SPATA13: variants seen among roughly 807,000 people sequenced by gnomAD.
SPATA13 encodes spermatogenesis associated 13, also known as spermatogenesis-associated protein 13.
A neutral mutation model predicts 104.0 loss-of-function variants in SPATA13; 50 were observed. That is an observed-to-expected ratio of 0.48 (90% CI 0.38 to 0.61). The LOEUF is 0.61. SPATA13 is among the 20% of genes least tolerant of loss of function. SPATA13 has a pLI of 0.00. For synonymous variants in SPATA13, 606 were observed against 667.5 expected (o/e 0.91, Z 1.42); for missense variants, 1,524 against 1,690.6 (o/e 0.90, Z 1.73).
chr13:24,137,577 T>C (rs1881615551), intron 3 of SPATA13, among the ~76,000 whole-genome samples: 1 of 152,050 alleles, frequency 6.6e-6, no homozygotes, highest in African/African-American at 2.4e-5. Flanking sequence ...CCGGCCAACA[T>C]GGTGAAACCC....
rs12863941 is a variant in SPATA13 at position 24,161,597 on chromosome 13, C to T, written c.-112+665C>T. On this transcript the variant is annotated intron_variant, in intron 1 of 12. Coordinates refer to ENST00000382108, the MANE Select transcript of SPATA13 (RefSeq NM_001166271.3). This position sits in a 1 kb window ranked among gnomAD's most constrained non-coding sequence, Gnocchi z 4.5. ...AGGCAGGTAGAAGCCCGCGCTGCTG[C>T]CAGCGTCAGGGGGAGCTCGGGTGAC... Among the ~76,000 whole-genome samples the T allele has an allele frequency of 6.0e-3, 914 of 152,274 alleles. 6 individuals are homozygous for T. Among genetic ancestry groups the T allele is most frequent in the Non-Finnish European group, 0.011 (734 of 68,018 alleles).
rs769373977 is a variant in SPATA13, at chr13:24,223,383, G to A, written c.454G>A (p.Ala152Thr). 9 of 1,551,170 alleles carry A rather than the reference G, an allele frequency of 5.8e-6. No individual in the cohort carries two copies. Among genetic ancestry groups the A allele is most frequent in the South Asian group, 1.2e-5 (1 of 84,068 alleles). ...HGLGKSIPNG[A>T]VPGAQASRGS... ...CCTGGGAAAGTCCATCCCAAATGGC[G>A]CTGTCCCAGGAGCCCAGGCAAGCAG... is the stretch of plus-strand genomic sequence containing the variant. The change falls in exon 2 of 13, where the codon GCT becomes ACT. Residue 152 changes from alanine to threonine, a missense_variant. Ala to Thr is a moderately conservative substitution (Grantham distance 58, BLOSUM62 0). Transcript: ENST00000382108.
At chr13:24,208,399 G>T (rs374981631) in intron 1 of SPATA13, among the ~76,000 whole-genome samples, 3 of 152,354 alleles carry the variant, frequency 2.0e-5, no homozygotes, top group South Asian at 4.1e-4. Flanking sequence ...GATTGTGCCT[G>T]AGGAATATTG....
At chr13:24,080,754 A>G (rs1468664270) in intron 3 of SPATA13, among the ~76,000 whole-genome samples, 2 of 152,372 alleles carry the variant, frequency 1.3e-5, no homozygotes, top group South Asian at 2.1e-4. Flanking sequence ...TCTGTGCCCT[A>G]TGGCATGTGG....
At chr13:24,239,693 TAAA>T (rs55881452) in intron 2 of SPATA13, among the ~76,000 whole-genome samples, 7 of 46,940 alleles carry the variant, frequency 1.5e-4, no homozygotes, top group East Asian at 1.6e-3. Flanking sequence ...AGACCATATC[TAAA>T]AAAAAAAAAA....
At chr13:24,269,914 G>T (rs1193166781) in intron 4 of SPATA13, among the ~76,000 whole-genome samples, 2 of 151,182 alleles carry the variant, frequency 1.3e-5, no homozygotes, top group East Asian at 1.9e-4. Context: ...TAGAGATAGG[G>T]TCTTGCTATG....
chr13:24,128,630 C>T (rs147605031), intron 3 of SPATA13, among the ~76,000 whole-genome samples: 4 of 151,980 alleles, frequency 2.6e-5, no homozygotes, highest in Admixed American at 1.3e-4. Flanking sequence ...TAACACTCCT[C>T]GCTGATGTGG....
intron 2 of SPATA13, among the ~76,000 whole-genome samples, chr13:24,003,925 C>T (rs1177941395): frequency 3.3e-5 from 5 of 151,840 alleles, no homozygotes; most frequent in African/African-American, 1.2e-4. Flanking sequence ...AGTCCCTTTT[C>T]AGCCACACTC....
At chr13:24,067,744 G>A (rs771349995) in intron 3 of SPATA13, among the ~76,000 whole-genome samples, 10 of 152,046 alleles carry the variant, frequency 6.6e-5, no homozygotes, top group African/African-American at 9.7e-5. Context: ...TCACTCTGTC[G>A]CCTAGGCTGG....
intron 3 of SPATA13, among the ~76,000 whole-genome samples, chr13:24,132,441 T>C (rs973968319): frequency 3.3e-5 from 5 of 152,244 alleles, no homozygotes; most frequent in African/African-American, 1.2e-4. Flanking sequence ...GTCCTGGCTC[T>C]GTCCTGGCTG....
chr13:24,251,848 T>A lies in SPATA13; in HGVS notation c.2150T>A (p.Met717Lys). The change falls in exon 4 of 13, where the codon ATG (methionine) becomes AAG (lysine). Residue 717 changes from methionine (M) to lysine (K), a missense_variant. Around this residue, in one of 2 missense-constraint regions of SPATA13, gnomAD observed 1,089 missense variants for 1,135.9 expected, o/e 0.96. Transcript: ENST00000382108. Reference protein sequence around the residue: ...GLDRVGRRRQMRASNVSSDGG... With the variant: ...GLDRVGRRRQKRASNVSSDGG... ...GACCGTGTGGGACGCCGGCGGCAGATGAGAGCATCCAACGGTGAGTCTCAG... is the reference window on the plus strand; with the variant it reads ...GACCGTGTGGGACGCCGGCGGCAGAAGAGAGCATCCAACGGTGAGTCTCAG... 1.2e-6 allele frequency: 2 copies of A among 1,613,592 alleles called. No individual in the cohort carries two copies. Among genetic ancestry groups the A allele is most frequent in the Non-Finnish European group, 1.7e-6 (2 of 1,179,576 alleles).
At chr13:24,164,506 G>A (rs1481002246) in intron 1 of SPATA13, among the ~76,000 whole-genome samples, 2 of 152,236 alleles carry the variant, frequency 1.3e-5, no homozygotes, top group Non-Finnish European at 2.9e-5. Context: ...GATGAGATGG[G>A]TGATCAGGTA....
At chr13:24,121,300 G>A (rs961530901) in intron 3 of SPATA13, among the ~76,000 whole-genome samples, 6 of 151,992 alleles carry the variant, frequency 3.9e-5, no homozygotes, top group Admixed American at 6.5e-5. Context: ...AGAGGTGAGC[G>A]CACCACAAAG....
At chr13:24,172,170 C>G (rs1004764364) in intron 1 of SPATA13, among the ~76,000 whole-genome samples, 2 of 152,152 alleles carry the variant, frequency 1.3e-5, no homozygotes, top group Non-Finnish European at 2.9e-5. Flanking sequence ...ACTTTATTCT[C>G]TATATAATTT....
intron 3 of SPATA13, among the ~76,000 whole-genome samples, chr13:24,131,122 T>C (rs1421143297): frequency 6.6e-6 from 1 of 152,256 alleles, no homozygotes; most frequent in East Asian, 1.9e-4. Flanking sequence ...AGAAAAGGAA[T>C]TATAAAAATG....
intron 1 of SPATA13, among the ~76,000 whole-genome samples, chr13:24,173,221 G>C (rs868479400): frequency 7.2e-5 from 11 of 152,152 alleles, no homozygotes; most frequent in African/African-American, 2.7e-4. Flanking sequence ...GGGACTATAG[G>C]CATGTGTCAC....
chr13:24,144,895 G>A (rs1227485014), intron 3 of SPATA13, among the ~76,000 whole-genome samples: 1 of 152,184 alleles, frequency 6.6e-6, no homozygotes, highest in Non-Finnish European at 1.5e-5. Flanking sequence ...GGCCTAAGAT[G>A]CTGCCCACTT....
intron 12 of SPATA13, among the ~76,000 whole-genome samples, chr13:24,301,431 A>G (rs7336084): frequency 1.4e-3 from 206 of 152,356 alleles, no homozygotes; most frequent in African/African-American, 4.8e-3. Context: ...TAAGGCAGAA[A>G]AACCCATGTT....
At chr13:24,215,668 G>A (rs182613824) in intron 1 of SPATA13, among the ~76,000 whole-genome samples, 4 of 152,296 alleles carry the variant, frequency 2.6e-5, no homozygotes, top group Admixed American at 2.6e-4. Context: ...TTAAGCTGTG[G>A]ATGTAAAAGC....
Sources: allele counts gnomAD v4.1 joint callset (sites outside exome capture counted in the v4.1 genomes callset), GRCh38; gene constraint gnomAD v4.1.1; regional missense constraint gnomAD v4.1.1; non-coding constraint Gnocchi (gnomAD v3.1); transcripts MANE v1.5; gene names NCBI Gene and HGNC (gene_info 2026-07-23, HGNC 2026-07-21).